The following BLNK variants were observed in gnomAD, a reference collection of about 807,000 sequenced individuals.
BLNK encodes the protein B-cell linker protein.
Under a neutral mutation model 73.5 loss-of-function variants are expected in BLNK, and 29 were observed. That is an observed-to-expected ratio of 0.39 (90% CI 0.29 to 0.54). The LOEUF (loss-of-function observed/expected upper bound fraction) is 0.54. Ranked by LOEUF, BLNK falls within the 20% of genes least tolerant of loss-of-function variation. The pLI is 0.61. For synonymous variants in BLNK, 176 were observed against 200.8 expected, an observed-to-expected ratio of 0.88 and a Z score of 1.04; for missense variants, 460 against 562.8, an observed-to-expected ratio of 0.82 and a Z score of 1.85.
intron 5 of BLNK, 138 bp downstream of exon 5, chr10:96,227,272 G>T (rs587751837): frequency 2.0e-5 from 23 of 1,148,974 alleles, no homozygotes; most frequent in Admixed American, 1.4e-4. Context: ...CAGATCCCCT[G>T]CTTGGAGGTG....
intron 5 of BLNK, among the ~76,000 whole-genome samples, chr10:96,225,419 G>T (rs1842210935): frequency 6.6e-6 from 1 of 152,142 alleles, no homozygotes; most frequent in South Asian, 2.1e-4. Flanking sequence ...CCTTGTTGAA[G>T]GTATGTGGTT....
At chr10:96,265,958 G>A (rs1469151875) in intron 1 of BLNK, among the ~76,000 whole-genome samples, 1 of 152,224 alleles carries the variant, frequency 6.6e-6, no homozygotes, top group Non-Finnish European at 1.5e-5. Context: ...AATTGCCCCT[G>A]ATGGAGAACC....
In BLNK at chr10:96,242,740, G is replaced by A. The variant is rs1842918428; in HGVS notation, c.158C>T (p.Ala53Val). The change falls in exon 3 of 17, where the codon GCT becomes GTT. Residue 53 changes from alanine to valine, a missense_variant. Physicochemically the swap from Ala to Val is moderately conservative, Grantham distance 64 (BLOSUM62 0). This residue lies in a region of BLNK where 139 missense variants were observed against 187.3 expected (regional missense o/e 0.74). Coordinates refer to ENST00000224337, the MANE Select transcript of BLNK (RefSeq NM_013314.4). Reference protein sequence around the residue: ...APPSVPRRDYASESPADEEEQ... With the variant: ...APPSVPRRDYVSESPADEEEQ... ...GTATCTGAGAAATACCTTACCTGAA[G>A]CGTAGTCCCTTCGAGGAACACTTGG... The A allele has an allele frequency of 1.9e-6, 3 of 1,613,840 alleles. No individual in the cohort carries two copies. The highest frequency in any genetic ancestry group is 1.7e-6 in the Non-Finnish European group (2 of 1,179,698).
chr10:96,252,302 C>T (rs1229401946), intron 1 of BLNK, among the ~76,000 whole-genome samples: 5 of 152,176 alleles, frequency 3.3e-5, no homozygotes, highest in African/African-American at 9.7e-5. Flanking sequence ...CTGCCTGCCC[C>T]GGGCTCCCAA....
At chr10:96,226,308 C>G (rs1564831028) in intron 5 of BLNK, among the ~76,000 whole-genome samples, 1 of 152,170 alleles carries the variant, frequency 6.6e-6, no homozygotes, top group African/African-American at 2.4e-5. Context: ...GGCAGGTGCT[C>G]AAAAGATCAA....
chr10:96,199,558 GA>G (rs1554895561), intron 15 of BLNK: 1 of 458,172 alleles, frequency 2.2e-6, no homozygotes, highest in Admixed American at 2.3e-5. Flanking sequence ...AGGACAAGTA[GA>G]AATGAGATGG....
chr10:96,228,191 C>G (rs1554903127), intron 4 of BLNK, among the ~76,000 whole-genome samples: 1 of 151,510 alleles, frequency 6.6e-6, no homozygotes, highest in Non-Finnish European at 1.5e-5. Flanking sequence ...CCTCTGCCTC[C>G]TGGGTTCCAG....
At chr10:96,250,415 GGAGAGA>G (rs71486790) in intron 1 of BLNK, among the ~76,000 whole-genome samples, 1 of 143,432 alleles carries the variant, frequency 7.0e-6, no homozygotes, top group Non-Finnish European at 1.5e-5. Flanking sequence ...AGAGAGAGGG[GGAGAGA>G]GAGAGAGAGA....
At chr10:96,271,286 A>T in intron 1 of BLNK, 66 bp downstream of exon 1, 1 of 1,539,304 alleles carries the variant, frequency 6.5e-7, no homozygotes, top group Non-Finnish European at 9.0e-7. Context: ...TATTTCTGAG[A>T]TGCCATAAGA....
chr10:96,206,681 A>C (rs997420673), intron 11 of BLNK, among the ~76,000 whole-genome samples: 3 of 152,312 alleles, frequency 2.0e-5, no homozygotes, highest in South Asian at 4.1e-4. Flanking sequence ...TAAAGTTTTC[A>C]TTACTTTAAG....
chr10:96,192,137 T>A (rs1474382928), intron 16 of BLNK, 45 bp from the exon 17 acceptor site: 1 of 1,610,126 alleles, frequency 6.2e-7, no homozygotes, highest in Non-Finnish European at 8.5e-7. Flanking sequence ...GCATTTGTGT[T>A]AAATTTGAGC....
chr10:96,252,412 T>C (rs1554909415), intron 1 of BLNK, among the ~76,000 whole-genome samples: 1 of 152,234 alleles, frequency 6.6e-6, no homozygotes, highest in Non-Finnish European at 1.5e-5. Context: ...CCATCCTTTG[T>C]GCATGTCTAT....
In BLNK at chr10:96,200,047, A is replaced by T; in HGVS notation, c.1095+28T>A. 1 of 1,359,894 alleles carries T rather than the reference A, an allele frequency of 7.4e-7. No homozygotes were observed. Among genetic ancestry groups the T allele is most frequent in the Non-Finnish European group, 9.6e-7 (1 of 1,038,894 alleles). The allele number at this position is 1,359,894 out of a possible 1,614,324, so 84.2% of individuals were successfully genotyped here. A position where few individuals can be genotyped will look rare whatever the true frequency, so the allele number is the denominator to read the frequency against. ...AAATAAATAAAATAAAATAAAATAA[A>T]AATAATAAATAATAAAAATGATCAG... On this transcript the variant is annotated intron_variant, in intron 15 of 16. Transcript: ENST00000224337. The surrounding 1 kb of genome is among the most constrained non-coding windows in gnomAD (Gnocchi z 4.3).
intron 6 of BLNK, among the ~76,000 whole-genome samples, chr10:96,219,714 G>A (rs1232135048): frequency 6.6e-6 from 1 of 152,200 alleles, no homozygotes; most frequent in Non-Finnish European, 1.5e-5. Flanking sequence ...TGATGATATA[G>A]GAGTTAAGAA....
chr10:96,226,914 G>T (rs1842291919), intron 5 of BLNK, among the ~76,000 whole-genome samples: 1 of 152,020 alleles, frequency 6.6e-6, no homozygotes, highest in South Asian at 2.1e-4. Flanking sequence ...CCAGGCTTGG[G>T]GCTCCTGAGC....
chr10:96,256,963 T>G (rs1250969434), intron 1 of BLNK, among the ~76,000 whole-genome samples: 1 of 151,548 alleles, frequency 6.6e-6, no homozygotes, highest in Non-Finnish European at 1.5e-5. Context: ...GGCTTGAAAC[T>G]TCTGAATGTT....
chr10:96,201,163 CA>C (rs1458486825), intron 13 of BLNK, 105 bp from the exon 14 acceptor site: 129 of 1,007,492 alleles, frequency 1.3e-4, no homozygotes, highest in Non-Finnish European at 1.4e-4. Flanking sequence ...ACACATCCAC[CA>C]AAAAAAATCC....
chr10:96,211,076 C>A (rs1564821555), intron 8 of BLNK, among the ~76,000 whole-genome samples: 1 of 151,910 alleles, frequency 6.6e-6, no homozygotes, highest in Admixed American at 6.6e-5. Flanking sequence ...GTTGCCCAGG[C>A]TGGCCTTGAA....
At chr10:96,271,330 T>C (rs570365815) in intron 1 of BLNK, 22 bp downstream of exon 1, 2 of 1,612,140 alleles carry the variant, frequency 1.2e-6, no homozygotes, top group Non-Finnish European at 1.7e-6. Flanking sequence ...TGAAGAAGGG[T>C]ATTGGGTGGG....
Sources: allele counts gnomAD v4.1 joint callset (sites outside exome capture counted in the v4.1 genomes callset), GRCh38; gene constraint gnomAD v4.1.1; regional missense constraint gnomAD v4.1.1; non-coding constraint Gnocchi (gnomAD v3.1); transcripts MANE v1.5; gene names NCBI Gene and HGNC (gene_info 2026-07-23, HGNC 2026-07-21).